Variants in TMEM67 observed in about 807,000 individuals in gnomAD.
TMEM67 encodes the protein transmembrane protein 67.
Under a neutral mutation model 136.6 loss-of-function variants are expected in TMEM67, and 124 were observed. The ratio of observed to expected loss-of-function variants is 0.91; its 90% CI spans 0.78 to 1.05. The LOEUF (loss-of-function observed/expected upper bound fraction) is 1.05. TMEM67 is among the 50% of genes least tolerant of loss of function. The probability of loss-of-function intolerance (pLI) is 0.00; values close to 1 mark genes in which losing one functional copy is unlikely to be tolerated. For synonymous variants in TMEM67, 364 were observed against 390.5 expected, an observed-to-expected ratio of 0.93 and a Z score of 0.80; for missense variants, 1,107 against 1,178.4, an observed-to-expected ratio of 0.94 and a Z score of 0.89.
intron 14 of TMEM67, among the ~76,000 whole-genome samples, chr8:93,789,315 T>C (rs978883055): frequency 2.0e-5 from 3 of 152,134 alleles, no homozygotes; most frequent in African/African-American, 7.2e-5. Flanking sequence ...TAAAATTAGT[T>C]TCCGTTGACT....
At chr8:93,805,514 G>A (rs528881606) in intron 23 of TMEM67, among the ~76,000 whole-genome samples, 3 of 151,498 alleles carry the variant, frequency 2.0e-5, no homozygotes, top group Non-Finnish European at 4.4e-5. Flanking sequence ...CTGGGAGGTG[G>A]AGCTTGCAGT....
intron 20 of TMEM67, among the ~76,000 whole-genome samples, chr8:93,798,394 T>C (rs1364972058): frequency 6.6e-6 from 1 of 152,226 alleles, no homozygotes; most frequent in Non-Finnish European, 1.5e-5. Context: ...ATAAGTTTGA[T>C]ATTTTTCAAC....
downstream of TMEM67, among the ~76,000 whole-genome samples, chr8:93,823,020 A>G (rs562868118): frequency 1.3e-5 from 2 of 152,264 alleles, no homozygotes; most frequent in South Asian, 4.1e-4. Context: ...CTCTACTTTT[A>G]CAGAGCTTAT....
intron 23 of TMEM67, among the ~76,000 whole-genome samples, chr8:93,805,548 T>G (rs940011933): frequency 8.5e-5 from 12 of 141,890 alleles, no homozygotes; most frequent in African/African-American, 3.0e-4. Flanking sequence ...GCCACCGCAC[T>G]CCAGCTTGGG....
At chr8:93,762,649 G>A (rs955507156) in intron 3 of TMEM67, among the ~76,000 whole-genome samples, 1 of 152,018 alleles carries the variant, frequency 6.6e-6, no homozygotes, top group Admixed American at 6.6e-5. Flanking sequence ...TATTTGGGGG[G>A]TGTATTCTTA....
In TMEM67 at chr8:93,813,232, G is replaced by A. The variant is rs182921572; in HGVS notation, c.2765-2073G>A. On this transcript the variant is annotated intron_variant, in intron 26 of 27. Coordinates refer to ENST00000453321, the MANE Select transcript of TMEM67 (RefSeq NM_153704.6). ...CTCGCTCTGTTGTCTAGGCTGGAGT[G>A]CAGTGGCACAATCTCGGCTCACTGC... is the stretch of plus-strand genomic sequence containing the variant. 4.3e-3 allele frequency among the ~76,000 whole-genome samples: 652 copies of A among 151,226 alleles called. 7 individuals carry two copies. Among genetic ancestry groups the A allele is most frequent in the Non-Finnish European group, 4.2e-3 (286 of 67,768 alleles).
At chr8:93,772,433 A>G (rs1242210352) in intron 6 of TMEM67, among the ~76,000 whole-genome samples, 156 bp from the exon 7 acceptor site, 2 of 152,208 alleles carry the variant, frequency 1.3e-5, no homozygotes, top group Non-Finnish European at 2.9e-5. Flanking sequence ...GGTCCTATTT[A>G]TAATAACTGA....
chr8:93,822,244 G>A (rs1290150847), downstream of TMEM67, among the ~76,000 whole-genome samples: 2 of 152,158 alleles, frequency 1.3e-5, no homozygotes, highest in Admixed American at 6.5e-5. Context: ...TGTGAAAAGT[G>A]CTCAACCTTG....
chr8:93,787,413 CAT>C (rs1359395568), intron 13 of TMEM67, among the ~76,000 whole-genome samples: 3 of 152,144 alleles, frequency 2.0e-5, no homozygotes, highest in African/African-American at 7.2e-5. Context: ...TGGCTTGACA[CAT>C]ATTATTTTGT....
Position 93,799,614 on chromosome 8 carries a change from C to T in TMEM67, c.2101-4C>T, listed in dbSNP as rs1814775597. ...TAAATTACTACTTTTCCTTTTTACT[C>T]CAGGTTGTGGGATTCAAGAACTTAG... On this transcript the variant is annotated splice_region_variant and splice_polypyrimidine_tract_variant and intron_variant, in intron 20 of 27. Transcript: ENST00000453321. The T allele has an allele frequency of 6.2e-7, 1 of 1,610,766 alleles. No individual in the cohort carries two copies. Among genetic ancestry groups the T allele is most frequent in the Non-Finnish European group, 8.5e-7 (1 of 1,178,300 alleles).
At chr8:93,795,031 T>G in intron 16 of TMEM67, 2 of 249,168 alleles carry the variant, frequency 8.0e-6, no homozygotes, top group Non-Finnish European at 1.6e-5. Flanking sequence ...CAATGAGGAG[T>G]TGTTCATTTT....
At chr8:93,765,152 A>G (rs749965902) in intron 4 of TMEM67, among the ~76,000 whole-genome samples, 1 of 152,180 alleles carries the variant, frequency 6.6e-6, no homozygotes, top group Non-Finnish European at 1.5e-5. Flanking sequence ...CATACTCAGA[A>G]TTATTCATTA....
chr8:93,827,792 T>C, the TMEM67 span, among the ~76,000 whole-genome samples: 2 of 151,332 alleles, frequency 1.3e-5, no homozygotes, highest in Admixed American at 6.6e-5. Flanking sequence ...GGAACACTGG[T>C]TTCATTTGGG....
chr8:93,755,571 A>C (rs1479079404), intron 1 of TMEM67, among the ~76,000 whole-genome samples: 1 of 152,148 alleles, frequency 6.6e-6, no homozygotes, highest in Non-Finnish European at 1.5e-5. Flanking sequence ...GTTCAAGGTC[A>C]TGCAACTGAG....
At chr8:93,768,983 C>A (rs972439132) in intron 6 of TMEM67, among the ~76,000 whole-genome samples, 3 of 151,388 alleles carry the variant, frequency 2.0e-5, no homozygotes, top group East Asian at 1.9e-4. Flanking sequence ...AAAAAAAAAA[C>A]AAAACCACCT....
chr8:93,793,885 G>GT lies in TMEM67; in HGVS notation c.1674+598dup, dbSNP rs571916909. On this transcript the variant is annotated intron_variant, in intron 16 of 27. Coordinates refer to ENST00000453321, the MANE Select transcript of TMEM67 (RefSeq NM_153704.6). The stretch of plus-strand genomic sequence containing the variant: ...CAGGTTTGTTTTTGTTTTCATTTTT[G>GT]TTTTTTTTTGTTGTTGTTTTTTTGA... Among the ~76,000 whole-genome samples, 1,391 of 150,188 alleles carry GT rather than the reference G, an allele frequency of 9.3e-3. 11 individuals carry two copies. Among genetic ancestry groups the GT allele is most frequent in the Non-Finnish European group, 0.014 (973 of 67,410 alleles).
chr8:93,826,498 C>T, the TMEM67 span, among the ~76,000 whole-genome samples: 7 of 152,110 alleles, frequency 4.6e-5, no homozygotes. Context: ...TCAATTCTTC[C>T]TCCTCCCAAA....
the TMEM67 span, among the ~76,000 whole-genome samples, chr8:93,825,629 G>A: frequency 5.5e-4 from 84 of 152,284 alleles, no homozygotes; most frequent in Non-Finnish European, 4.4e-5. Flanking sequence ...CATGGAAGAA[G>A]GAGTTGATAT....
intron 6 of TMEM67, 105 bp from the exon 7 acceptor site, chr8:93,772,484 T>G: frequency 1.2e-6 from 1 of 844,258 alleles, no homozygotes; most frequent in Non-Finnish European, 2.0e-6. Flanking sequence ...TTAGTAACTG[T>G]TTTTCTACTA....
Sources: allele counts gnomAD v4.1 joint callset (sites outside exome capture counted in the v4.1 genomes callset), GRCh38; gene constraint gnomAD v4.1.1; transcripts MANE v1.5; gene names NCBI Gene and HGNC (gene_info 2026-07-23, HGNC 2026-07-21).